ROBO1: variants seen among roughly 807,000 people sequenced by gnomAD.
ROBO1 encodes the protein roundabout homolog 1.
In ROBO1, 149 loss-of-function variants were observed where a neutral mutation model predicts 195.9. The observed-to-expected ratio is 0.76, with a 90% CI of 0.67 to 0.87. The LOEUF is 0.87. ROBO1 is among the 40% of genes least tolerant of loss of function. The probability of loss-of-function intolerance (pLI) is 0.00; values close to 1 mark genes in which losing one functional copy is unlikely to be tolerated. For synonymous variants in ROBO1, 816 were observed against 733.2 expected (o/e 1.11, Z -1.82); for missense variants, 1,933 against 2,068.3 (o/e 0.93, Z 1.27).
chr3:79,042,911 G>A (rs930346579), intron 3 of ROBO1, among the ~76,000 whole-genome samples: 1 of 151,904 alleles, frequency 6.6e-6, no homozygotes, highest in Non-Finnish European at 1.5e-5. Flanking sequence ...CCCCTCACTG[G>A]TTTTTCCCAA....
intron 23 of ROBO1, among the ~76,000 whole-genome samples, chr3:78,635,078 A>G (rs1424429259): frequency 6.6e-6 from 1 of 152,142 alleles, no homozygotes; most frequent in Non-Finnish European, 1.5e-5. Context: ...GCAGTAGCCT[A>G]AAGGACTACA....
At chr3:78,876,030 T>C (rs988970718) in intron 4 of ROBO1, among the ~76,000 whole-genome samples, 13 of 151,944 alleles carry the variant, frequency 8.6e-5, no homozygotes, top group African/African-American at 2.9e-4. Context: ...GCAAGACTTA[T>C]TCACATTATA....
chr3:79,414,253 TGTGTATGTGTGC>T lies in ROBO1; in HGVS notation c.88+175559_88+175570del, dbSNP rs1195504261. Among the ~76,000 whole-genome samples the T allele has an allele frequency of 2.6e-5, 4 of 151,926 alleles. No individual in the cohort carries two copies. The East Asian group carries it at 7.8e-4, about 29-fold the overall frequency. Reference sequence around the variant, plus strand: ...CTCTTTCTCTTTCTCTTTCTCTGTGTGTGTATGTGTGCGTGTGTCTTCAACAGTAGGTATACA... The same window carrying T: ...CTCTTTCTCTTTCTCTTTCTCTGTGTGTGTGTCTTCAACAGTAGGTATACA... On this transcript the variant is annotated intron_variant, in intron 2 of 30. Coordinates refer to ENST00000464233, the MANE Select transcript of ROBO1 (RefSeq NM_002941.4).
At chr3:79,070,360 CT>C (rs375076407) in intron 3 of ROBO1, among the ~76,000 whole-genome samples, 69 of 151,992 alleles carry the variant, frequency 4.5e-4, no homozygotes, top group African/African-American at 1.6e-3. Flanking sequence ...TAAGGACCAT[CT>C]TTTATTACAG....
chr3:78,888,478 C>T (rs998390608), intron 4 of ROBO1, among the ~76,000 whole-genome samples: 1 of 152,078 alleles, frequency 6.6e-6, no homozygotes, highest in African/African-American at 2.4e-5. Context: ...TTAAAACAAG[C>T]CAGATTTCAG....
At chr3:78,896,658 CAA>C (rs142287501) in intron 4 of ROBO1, among the ~76,000 whole-genome samples, 4 of 65,890 alleles carry the variant, frequency 6.1e-5, no homozygotes, top group Non-Finnish European at 8.3e-5. Context: ...TTGTTGCTCA[CAA>C]AAAAAAAAAA....
rs949724928 is a variant in ROBO1, at chr3:78,617,914, C to T, written c.4003G>A (p.Asp1335Asn). The T allele has an allele frequency of 3.7e-6, 6 of 1,613,874 alleles. No homozygotes were observed. Among genetic ancestry groups the T allele is most frequent in the Non-Finnish European group, 5.1e-6 (6 of 1,179,904 alleles). Residue 1335 changes from aspartate (D) to asparagine (N), a missense_variant, in exon 27 of 31, where the codon GAC (aspartate) becomes AAC (asparagine). Around this residue, in one of 3 missense-constraint regions of ROBO1, gnomAD observed 1,737 missense variants for 1,882.5 expected, o/e 0.92. Coordinates refer to ENST00000464233, the MANE Select transcript of ROBO1 (RefSeq NM_002941.4). ...GTTTGCATCTTGGCTACCTCCATGT[C>T]GGCTTCGTCTTCTTCCTCTTCTGGC... Reference protein sequence around the residue: ...DAPEEEEDEADMEVAKMQTRR... With the variant: ...DAPEEEEDEANMEVAKMQTRR...
chr3:79,395,214 C>T (rs1427378215), intron 2 of ROBO1, among the ~76,000 whole-genome samples: 1 of 149,452 alleles, frequency 6.7e-6, no homozygotes. Flanking sequence ...CCCAGCTACT[C>T]AGGAAGCTGA....
At chr3:78,938,474 A>G in intron 4 of ROBO1, 127 bp downstream of exon 4, 3 of 737,242 alleles carry the variant, frequency 4.1e-6, no homozygotes, top group Non-Finnish European at 6.5e-6. Flanking sequence ...TTGTATTCAC[A>G]TACAAAGCTA....
chr3:79,439,580 A>G (rs1198606546), intron 2 of ROBO1, among the ~76,000 whole-genome samples: 1 of 152,128 alleles, frequency 6.6e-6, no homozygotes, highest in East Asian at 1.9e-4. Context: ...TTCCATTACC[A>G]ACTGGCATAC....
intron 2 of ROBO1, among the ~76,000 whole-genome samples, chr3:79,581,935 G>T (rs983111720): frequency 4.0e-5 from 6 of 151,800 alleles, no homozygotes; most frequent in African/African-American, 1.4e-4. Flanking sequence ...TTATTCTTCT[G>T]AGTGTTACTT....
chr3:79,122,540 C>A (rs905651329), intron 3 of ROBO1, among the ~76,000 whole-genome samples: 2 of 151,844 alleles, frequency 1.3e-5, no homozygotes, highest in African/African-American at 4.8e-5. Flanking sequence ...TAAGCAGCAA[C>A]TACTATTATG....
intron 1 of ROBO1, among the ~76,000 whole-genome samples, chr3:79,699,219 G>A (rs1462891466): frequency 6.6e-6 from 1 of 151,224 alleles, no homozygotes; most frequent in African/African-American, 2.4e-5. Flanking sequence ...AGTTTGATTA[G>A]AATTGATTAT....
chr3:79,348,262 T>C (rs1464779769), intron 2 of ROBO1, among the ~76,000 whole-genome samples: 1 of 149,138 alleles, frequency 6.7e-6, no homozygotes, highest in East Asian at 2.0e-4. Context: ...GAGACACACA[T>C]GTACTCAGGT....
chr3:79,600,233 A>C (rs1187299851), intron 1 of ROBO1, among the ~76,000 whole-genome samples: 2 of 152,062 alleles, frequency 1.3e-5, no homozygotes, highest in African/African-American at 4.8e-5. Context: ...CATTCAAGAA[A>C]TGTAAGATGG....
intron 10 of ROBO1, chr3:78,670,544 A>G (rs1485222851): frequency 2.1e-6 from 1 of 481,756 alleles, no homozygotes; most frequent in African/African-American, 2.0e-5. Flanking sequence ...CATCGTCAAG[A>G]GGCCTATTTA....
At chr3:79,623,371 T>G (rs2107988435) in intron 1 of ROBO1, among the ~76,000 whole-genome samples, 1 of 152,300 alleles carries the variant, frequency 6.6e-6, no homozygotes, top group South Asian at 2.1e-4. Flanking sequence ...AGAAGTAGGC[T>G]TCAGAAGATA....
intron 2 of ROBO1, among the ~76,000 whole-genome samples, chr3:79,548,188 C>A (rs1942343648): frequency 6.6e-6 from 1 of 152,172 alleles, no homozygotes; most frequent in Admixed American, 6.5e-5. Context: ...GGAGACATTT[C>A]CTACCTCTTT....
chr3:79,624,933 G>A (rs1297994422), intron 1 of ROBO1, among the ~76,000 whole-genome samples: 2 of 151,978 alleles, frequency 1.3e-5, no homozygotes, highest in Admixed American at 6.5e-5. Context: ...TTCTAAAATC[G>A]ACCACATAAT....
Sources: allele counts gnomAD v4.1 joint callset (sites outside exome capture counted in the v4.1 genomes callset), GRCh38; gene constraint gnomAD v4.1.1; regional missense constraint gnomAD v4.1.1; transcripts MANE v1.5; gene names NCBI Gene and HGNC (gene_info 2026-07-23, HGNC 2026-07-21).